Variants in PCDH7 observed in about 807,000 individuals in gnomAD.
PCDH7 encodes the protein protocadherin 7.
Under a neutral mutation model 58.9 loss-of-function variants are expected in PCDH7, and 17 were observed. The ratio of observed to expected loss-of-function variants is 0.29; its 90% CI spans 0.20 to 0.43. PCDH7 has a LOEUF of 0.43. Ranked by LOEUF, PCDH7 falls within the 20% of genes least tolerant of loss-of-function variation. PCDH7 has a pLI of 1.00. For missense variants in PCDH7, 1,274 were observed against 1,441.0 expected, an observed-to-expected ratio of 0.88 and a Z score of 1.88; for synonymous variants, 664 against 616.4, an observed-to-expected ratio of 1.08 and a Z score of -1.14.
chr4:30,792,731 C>G (rs1456221941), intron 1 of PCDH7, among the ~76,000 whole-genome samples: 1 of 152,042 alleles, frequency 6.6e-6, no homozygotes, highest in Admixed American at 6.6e-5. Context: ...TGAGGGGGAT[C>G]CAGGTCTCTA....
intron 1 of PCDH7, among the ~76,000 whole-genome samples, chr4:30,809,558 C>G (rs1726709309): frequency 1.3e-5 from 2 of 152,090 alleles, no homozygotes; most frequent in South Asian, 4.2e-4. Context: ...TCAGAGGTAG[C>G]TGTGATCATG....
chr4:30,839,408 T>C (rs1401003842), intron 1 of PCDH7, among the ~76,000 whole-genome samples: 1 of 152,102 alleles, frequency 6.6e-6, no homozygotes, highest in African/African-American at 2.4e-5. Context: ...CAAAATATGC[T>C]AAATACCTGG....
At chr4:30,930,006 T>C (rs1185716845) in intron 2 of PCDH7, among the ~76,000 whole-genome samples, 1 of 152,200 alleles carries the variant, frequency 6.6e-6, no homozygotes, top group Non-Finnish European at 1.5e-5. Context: ...TTTATGCAAA[T>C]TTTTATGGAC....
intron 1 of PCDH7, among the ~76,000 whole-genome samples, chr4:30,837,714 G>A (rs1730675733): frequency 6.6e-6 from 1 of 151,724 alleles, no homozygotes; most frequent in South Asian, 2.1e-4. Flanking sequence ...TCAATGTTTT[G>A]TAAGTTGAAG....
chr4:31,013,389 A>G (rs1753346689), intron 3 of PCDH7, among the ~76,000 whole-genome samples: 2 of 151,402 alleles, frequency 1.3e-5, no homozygotes, highest in South Asian at 4.1e-4. Flanking sequence ...GTATGCCTAT[A>G]TATATAGACA....
chr4:30,842,484 T>C (rs1019924361), intron 1 of PCDH7, among the ~76,000 whole-genome samples: 1 of 152,290 alleles, frequency 6.6e-6, no homozygotes, highest in East Asian at 1.9e-4. Flanking sequence ...TAAGTGCTTA[T>C]AGTGGAAAGG....
intron 3 of PCDH7, among the ~76,000 whole-genome samples, chr4:31,041,428 A>G (rs921100701): frequency 6.6e-6 from 1 of 152,168 alleles, no homozygotes. Flanking sequence ...CTTGCTTAGC[A>G]TGATGAAATG....
chr4:30,905,099 G>C (rs1032522463), intron 1 of PCDH7, among the ~76,000 whole-genome samples: 1 of 152,190 alleles, frequency 6.6e-6, no homozygotes, highest in Non-Finnish European at 1.5e-5. Flanking sequence ...GCATCTGTTT[G>C]AGTGGATCTT....
intron 3 of PCDH7, among the ~76,000 whole-genome samples, chr4:30,951,616 A>G (rs1001059380): frequency 2.6e-5 from 4 of 152,202 alleles, no homozygotes; most frequent in African/African-American, 9.6e-5. Flanking sequence ...AAAAAATAAT[A>G]ACAGCAACCA....
At chr4:30,736,789 G>A (rs1231133682), downstream of PCDH7, among the ~76,000 whole-genome samples, 1 of 152,032 alleles carries the variant, frequency 6.6e-6, no homozygotes, top group African/African-American at 2.4e-5. Context: ...GCCCGCCTCG[G>A]CCTCCCAAAG....
intron 3 of PCDH7, among the ~76,000 whole-genome samples, chr4:30,968,399 T>TATATAA (rs1253667850): frequency 1.8e-5 from 1 of 54,622 alleles, no homozygotes; most frequent in Admixed American, 1.9e-4. Context: ...TATATATATA[T>TATATAA]ATATATATAT....
At position 30,738,016 on chromosome 4, in the gene PCDH7, C is replaced by G. The variant is rs187927598; in HGVS notation, c.70+13420C>G. Among the ~76,000 whole-genome samples, 346 of 152,246 alleles carry G rather than the reference C, an allele frequency of 2.3e-3. 2 individuals carry two copies. The highest frequency in any genetic ancestry group is 3.7e-3 in the Non-Finnish European group (253 of 68,024). ...TACTGGCTGTAGGTCTCTGCCTTCTCTTTGCATCCTCAGGTGACTCTTCCT... is the reference window on the plus strand; with the variant it reads ...TACTGGCTGTAGGTCTCTGCCTTCTGTTTGCATCCTCAGGTGACTCTTCCT... On this transcript the variant is annotated intron_variant, in intron 1 of 3. Coordinates refer to the PCDH7 transcript ENST00000509759.
chr4:31,107,724 A>G (rs1292163596), intron 3 of PCDH7, among the ~76,000 whole-genome samples: 1 of 152,196 alleles, frequency 6.6e-6, no homozygotes, highest in Non-Finnish European at 1.5e-5. Context: ...GTTGGGAGAA[A>G]TAAAAGTAGT....
intron 1 of PCDH7, among the ~76,000 whole-genome samples, chr4:30,787,943 T>G (rs1332213564): frequency 2.0e-5 from 3 of 152,066 alleles, no homozygotes; most frequent in Non-Finnish European, 4.4e-5. Context: ...AATGACTACT[T>G]CAACAATTTG....
intron 1 of PCDH7, among the ~76,000 whole-genome samples, chr4:30,756,092 C>G (rs1719262761): frequency 1.3e-5 from 2 of 152,034 alleles, no homozygotes; most frequent in African/African-American, 2.4e-5. Flanking sequence ...ACCAACCAAC[C>G]AACCAACAAA....
chr4:30,948,586 A>G (rs77818040), intron 2 of PCDH7, among the ~76,000 whole-genome samples: 2,109 of 152,280 alleles, frequency 0.014, 45 homozygotes, highest in African/African-American at 0.048. Context: ...ATACAAAATT[A>G]TAGAAATTTA....
intron 1 of PCDH7, among the ~76,000 whole-genome samples, chr4:30,774,060 G>C (rs1721755051): frequency 6.6e-6 from 1 of 152,088 alleles, no homozygotes; most frequent in South Asian, 2.1e-4. Flanking sequence ...CATTTTCTTT[G>C]CTCAGTTGAG....
intron 3 of PCDH7, among the ~76,000 whole-genome samples, chr4:30,964,484 G>A (rs920715442): frequency 5.3e-5 from 8 of 151,832 alleles, no homozygotes; most frequent in African/African-American, 1.7e-4. Context: ...CTCATGATCC[G>A]CCTGCCTCGG....
intron 1 of PCDH7, among the ~76,000 whole-genome samples, chr4:30,784,195 T>C (rs1723130017): frequency 6.6e-6 from 1 of 152,236 alleles, no homozygotes; most frequent in Non-Finnish European, 1.5e-5. Flanking sequence ...CATCCAGTTC[T>C]ACTCTGACCC....
Sources: allele counts gnomAD v4.1 joint callset (sites outside exome capture counted in the v4.1 genomes callset), GRCh38; gene constraint gnomAD v4.1.1; transcripts MANE v1.5; gene names NCBI Gene and HGNC (gene_info 2026-07-23, HGNC 2026-07-21).